The following HPSE2 variants were observed in gnomAD, a reference collection of about 807,000 sequenced individuals.
HPSE2 encodes inactive heparanase-2.
HPSE2 carries 38 observed loss-of-function variants against 60.5 expected under a neutral mutation model. The observed-to-expected ratio is 0.63, with a 90% CI of 0.48 to 0.82. The LOEUF is 0.82. HPSE2 is among the 40% of genes least tolerant of loss of function. The pLI is 0.00. For missense variants in HPSE2, 713 were observed against 740.4 expected, an observed-to-expected ratio of 0.96 and a Z score of 0.43; for synonymous variants, 295 against 293.2, an observed-to-expected ratio of 1.01 and a Z score of -0.06.
chr10:98,724,783 T>C (rs1007108352), intron 4 of HPSE2, among the ~76,000 whole-genome samples: 63 of 152,070 alleles, frequency 4.1e-4, no homozygotes, highest in Non-Finnish European at 9.1e-4. Context: ...AGACTAGGAT[T>C]GCAAACCCTC....
At chr10:98,490,321 C>G in intron 9 of HPSE2, 125 bp from the exon 10 acceptor site, 1 of 1,178,356 alleles carries the variant, frequency 8.5e-7, no homozygotes, top group Non-Finnish European at 1.2e-6. Context: ...TACCTGGAGT[C>G]ATGAGTCATG....
chr10:98,732,863 C>T (rs866356870), intron 4 of HPSE2, among the ~76,000 whole-genome samples: 1 of 152,018 alleles, frequency 6.6e-6, no homozygotes, highest in Non-Finnish European at 1.5e-5. Context: ...AAATCATATA[C>T]TTGAATTTTT....
At chr10:98,611,668 G>A (rs1945764877) in intron 9 of HPSE2, among the ~76,000 whole-genome samples, 2 of 152,192 alleles carry the variant, frequency 1.3e-5, no homozygotes, top group Admixed American at 1.3e-4. Flanking sequence ...TCAGATTGGT[G>A]TTCTGGTCTA....
chr10:98,744,182 T>C (rs1275486532), intron 3 of HPSE2, 126 bp from the exon 4 acceptor site: 2 of 868,748 alleles, frequency 2.3e-6, no homozygotes, highest in African/African-American at 1.7e-5. Context: ...GACAGGCTTC[T>C]AAAAGGGACT....
At chr10:99,160,607 G>T (rs1367671311) in intron 2 of HPSE2, among the ~76,000 whole-genome samples, 1 of 152,184 alleles carries the variant, frequency 6.6e-6, no homozygotes, top group Non-Finnish European at 1.5e-5. Context: ...TCCACATAAA[G>T]ATTTCTACAT....
chr10:99,037,748 C>T (rs1433920282), intron 3 of HPSE2, among the ~76,000 whole-genome samples: 1 of 151,844 alleles, frequency 6.6e-6, no homozygotes, highest in African/African-American at 2.4e-5. Flanking sequence ...TTCAATAATA[C>T]CTTGCCTATT....
chr10:99,031,301 G>A (rs1295979600), intron 3 of HPSE2, among the ~76,000 whole-genome samples: 1 of 152,012 alleles, frequency 6.6e-6, no homozygotes, highest in Non-Finnish European at 1.5e-5. Context: ...TTAAAAAAAT[G>A]TTTAATGTGA....
intron 5 of HPSE2, among the ~76,000 whole-genome samples, chr10:98,697,319 T>A (rs1365898628): frequency 6.6e-6 from 1 of 152,016 alleles, no homozygotes; most frequent in Non-Finnish European, 1.5e-5. Context: ...ATAAATAACT[T>A]GAAGGAGCTG....
At chr10:98,963,306 G>A (rs961579717) in intron 3 of HPSE2, among the ~76,000 whole-genome samples, 4 of 152,112 alleles carry the variant, frequency 2.6e-5, no homozygotes, top group East Asian at 1.9e-4. Flanking sequence ...GCCAAAAAGC[G>A]TAAAGTATAA....
intron 2 of HPSE2, among the ~76,000 whole-genome samples, chr10:99,223,346 T>C (rs547203298): frequency 6.6e-6 from 1 of 152,268 alleles, no homozygotes; most frequent in South Asian, 2.1e-4. Context: ...TATGGTTGTG[T>C]TATTACTATT....
rs550095417 is a variant in HPSE2 at position 98,968,913 on chromosome 10, T to C, written c.610+175325A>G. On this transcript the variant is annotated intron_variant, in intron 3 of 11. Coordinates refer to ENST00000370552, the MANE Select transcript of HPSE2 (RefSeq NM_021828.5). ...CAGTGTACACTGCTCAGGTGACGGG[T>C]TCACCAAAATCTCAGAAATCACCAC... Among the ~76,000 whole-genome samples the C allele has an allele frequency of 3.9e-4, 59 of 152,042 alleles. 1 individual carries two copies. Among genetic ancestry groups the C allele is most frequent in the Admixed American group, 3.1e-3 (47 of 15,264 alleles).
chr10:98,985,755 T>G (rs1419744629), intron 3 of HPSE2, among the ~76,000 whole-genome samples: 1 of 152,140 alleles, frequency 6.6e-6, no homozygotes, highest in Non-Finnish European at 1.5e-5. Context: ...CCATCTCATA[T>G]GCAGAGACAC....
chr10:98,855,816 A>T (rs1158384728), intron 3 of HPSE2, among the ~76,000 whole-genome samples: 1 of 152,170 alleles, frequency 6.6e-6, no homozygotes, highest in African/African-American at 2.4e-5. Context: ...GTGGCAATCT[A>T]CCACTGAGGA....
At chr10:98,564,661 G>A (rs745979688) in intron 9 of HPSE2, among the ~76,000 whole-genome samples, 26 of 152,120 alleles carry the variant, frequency 1.7e-4, no homozygotes, top group Non-Finnish European at 3.4e-4. Context: ...TACTACCTAC[G>A]TACCTCCTGG....
intron 9 of HPSE2, among the ~76,000 whole-genome samples, chr10:98,563,121 T>G (rs2133879173): frequency 6.6e-6 from 1 of 152,290 alleles, no homozygotes; most frequent in African/African-American, 2.4e-5. Flanking sequence ...ACACAAAAAC[T>G]TGTACACAAA....
chr10:99,111,194 C>T (rs10786506), intron 3 of HPSE2, among the ~76,000 whole-genome samples: 74,717 of 151,988 alleles, frequency 0.49, 20,824 homozygotes, highest in East Asian at 0.65. Context: ...TTCACCAATA[C>T]CACGTGGTCT....
At chr10:99,084,330 T>TC (rs1564793857) in intron 3 of HPSE2, among the ~76,000 whole-genome samples, 1 of 150,714 alleles carries the variant, frequency 6.6e-6, no homozygotes, top group African/African-American at 2.5e-5. Context: ...GTTCTTTTTT[T>TC]TCCCCTAAGA....
At chr10:98,595,468 C>T (rs1299051532) in intron 9 of HPSE2, among the ~76,000 whole-genome samples, 1 of 152,128 alleles carries the variant, frequency 6.6e-6, no homozygotes, top group Non-Finnish European at 1.5e-5. Context: ...CCACACCCGG[C>T]CAAATGAGAT....
At chr10:98,553,592 G>C (rs1277226709) in intron 9 of HPSE2, among the ~76,000 whole-genome samples, 1 of 152,196 alleles carries the variant, frequency 6.6e-6, no homozygotes, top group Non-Finnish European at 1.5e-5. Flanking sequence ...GTCTGTTCCA[G>C]CTGAATTTTC....
Sources: allele counts gnomAD v4.1 joint callset (sites outside exome capture counted in the v4.1 genomes callset), GRCh38; gene constraint gnomAD v4.1.1; transcripts MANE v1.5; gene names NCBI Gene and HGNC (gene_info 2026-07-23, HGNC 2026-07-21).